The following CDHR3 variants were observed in gnomAD, a reference collection of about 807,000 sequenced individuals.
CDHR3 encodes the protein cadherin-related family member 3.
Under a neutral mutation model 86.6 loss-of-function variants are expected in CDHR3, and 79 were observed. The observed-to-expected ratio is 0.91, with a 90% CI of 0.76 to 1.10. CDHR3 has a LOEUF of 1.10. Among genes scored for constraint, CDHR3 ranks in the 50% least tolerant of loss-of-function variants. The pLI is 0.00. For synonymous variants in CDHR3, 421 were observed against 402.4 expected, an observed-to-expected ratio of 1.05 and a Z score of -0.55; for missense variants, 1,081 against 1,077.6, an observed-to-expected ratio of 1.00 and a Z score of -0.04.
At chr7:106,032,328 G>T in intron 18 of CDHR3, 65 bp from the exon 19 acceptor site, 3 of 1,462,984 alleles carry the variant, frequency 2.1e-6, no homozygotes, top group Non-Finnish European at 1.9e-6. Flanking sequence ...CAGGGTAGAA[G>T]TGGGGGAAGA....
chr7:105,993,691 A>G (rs1458320673), intron 4 of CDHR3, among the ~76,000 whole-genome samples: 3 of 111,898 alleles, frequency 2.7e-5, no homozygotes, highest in Admixed American at 8.3e-5. Flanking sequence ...AAAAAAAAAA[A>G]AAAAAAAAAA....
At chr7:106,023,466 A>G (rs1182242078) in intron 14 of CDHR3, among the ~76,000 whole-genome samples, 1 of 152,164 alleles carries the variant, frequency 6.6e-6, no homozygotes. Context: ...TGAATCTGAC[A>G]ACAGGATTAT....
Position 105,994,797 on chromosome 7 carries a change from G to C in CDHR3, c.560G>C (p.Gly187Ala), listed in dbSNP as rs562770860. ...PPKSFRMSAN[G>A]TLFSTTELDF... Reference sequence around the variant, plus strand: ...AAGAGCTTCAGAATGTCTGCTAATGGCACCCTCTTCTCCACAACAGAATTG... The same window carrying C: ...AAGAGCTTCAGAATGTCTGCTAATGCCACCCTCTTCTCCACAACAGAATTG... Residue 187 changes from glycine (G) to alanine (A), a missense_variant, in exon 5 of 19, where the codon GGC becomes GCC. Transcript: ENST00000317716. The C allele has an allele frequency of 8.1e-6, 13 of 1,612,596 alleles. No individual in the cohort carries two copies. Among genetic ancestry groups the C allele is most frequent in the Admixed American group, 1.7e-5 (1 of 59,874 alleles).
At chr7:106,008,123 C>T (rs1834217594) in intron 8 of CDHR3, among the ~76,000 whole-genome samples, 1 of 152,128 alleles carries the variant, frequency 6.6e-6, no homozygotes, top group East Asian at 1.9e-4. Flanking sequence ...GACTTGCCAC[C>T]ATGATTCAAT....
chr7:105,967,527 C>T (rs1563221400), intron 1 of CDHR3, among the ~76,000 whole-genome samples: 1 of 152,168 alleles, frequency 6.6e-6, no homozygotes, highest in African/African-American at 2.4e-5. Context: ...GAGGAATCGC[C>T]ACACTGACTT....
intron 3 of CDHR3, among the ~76,000 whole-genome samples, chr7:105,982,756 G>T (rs1198874063): frequency 6.6e-6 from 1 of 152,096 alleles, no homozygotes; most frequent in Non-Finnish European, 1.5e-5. Flanking sequence ...GCTGAGGTGG[G>T]AGTATAGCTT....
intron 8 of CDHR3, among the ~76,000 whole-genome samples, chr7:106,009,552 T>C (rs1834451530): frequency 2.0e-5 from 3 of 152,232 alleles, no homozygotes. Flanking sequence ...CGGTCTCTGC[T>C]GTGGAGTTCT....
intron 1 of CDHR3, among the ~76,000 whole-genome samples, chr7:105,971,044 G>A (rs1827874465): frequency 6.6e-6 from 1 of 151,836 alleles, no homozygotes; most frequent in Non-Finnish European, 1.5e-5. Flanking sequence ...AGGAGGCTGA[G>A]GCAGGAGAAT....
chr7:106,003,621 G>C (rs563717357), intron 7 of CDHR3, among the ~76,000 whole-genome samples: 1 of 152,148 alleles, frequency 6.6e-6, no homozygotes, highest in South Asian at 2.1e-4. Context: ...CTGATTCCTC[G>C]GGCCTGTCCT....
At position 106,020,337 on chromosome 7, in the gene CDHR3, T is replaced by C. The variant is rs772419918; in HGVS notation, c.1654-36T>C. On this transcript the variant is annotated intron_variant, in intron 12 of 18. Transcript: ENST00000317716. ...CACACAGTAAGCACTCAATGAGTTT[T>C]AGCTATTGAGAATGACCACCTTCTT... is the stretch of plus-strand genomic sequence containing the variant. 25 of 1,545,154 alleles carry C rather than the reference T, an allele frequency of 1.6e-5. No individual in the cohort carries two copies. In the Middle Eastern group the frequency reaches 6.7e-4, roughly 42 times the overall value.
In CDHR3 at chr7:106,005,784, C is replaced by A. The variant is rs537252733; in HGVS notation, c.1052+1097C>A. On this transcript the variant is annotated intron_variant, in intron 8 of 18. Coordinates refer to ENST00000317716, the MANE Select transcript of CDHR3 (RefSeq NM_152750.5). ...TCCCTGTTGTCCCAAATGGCATGCC[C>A]AGTATAATGTTAAAGGATCCATGTG... Among the ~76,000 whole-genome samples the A allele has an allele frequency of 2.6e-5, 4 of 152,202 alleles. No homozygotes were observed. In the East Asian group the frequency reaches 7.7e-4, roughly 29 times the overall value.
chr7:106,000,899 CAAA>C lies in CDHR3; in HGVS notation c.714-547_714-545del, dbSNP rs35254288. On this transcript the variant is annotated intron_variant, in intron 6 of 18. Coordinates refer to ENST00000317716, the MANE Select transcript of CDHR3 (RefSeq NM_152750.5). ...TGTGCATAAATTCTATATCCTCAGG[CAAA>C]AAAAAAAAAAAAAAAGACAAGGAAG... Among the ~76,000 whole-genome samples, 482 of 90,712 alleles carry C rather than the reference CAAA, an allele frequency of 5.3e-3. 5 individuals are homozygous for C. The highest frequency in any genetic ancestry group is 0.017 in the African/African-American group (414 of 24,854). The allele number at this position is 90,712 out of a possible 152,430, so 59.5% of individuals were successfully genotyped here. A position where few individuals can be genotyped will look rare whatever the true frequency, so the allele number is the denominator to read the frequency against.
At chr7:106,022,124 G>A in intron 13 of CDHR3, 74 bp from the exon 14 acceptor site, 1 of 1,561,740 alleles carries the variant, frequency 6.4e-7, no homozygotes, top group Non-Finnish European at 8.7e-7. Context: ...ATTGAATGCA[G>A]TTTTCTTCTA....
At chr7:106,029,543 CCTCTGTCTCT>C (rs1345671166) in intron 17 of CDHR3, among the ~76,000 whole-genome samples, 8 of 96,512 alleles carry the variant, frequency 8.3e-5, no homozygotes, top group Non-Finnish European at 2.0e-4. Context: ...CTCTCCTCCA[CCTCTGTCTCT>C]CTCTCTCTCT....
In CDHR3 at chr7:106,004,563, A is replaced by T; in HGVS notation, c.928A>T (p.Thr310Ser). The T allele has an allele frequency of 6.2e-7, 1 of 1,613,994 alleles. No individual in the cohort carries two copies. The highest frequency in any genetic ancestry group is 1.3e-5 in the African/African-American group (1 of 75,048). ...TGCAGGTGAATTGAGACAAAATCCC[A>T]CCATTTCCCTGGAAGTTCTAGTGAA... is the stretch of plus-strand genomic sequence containing the variant. ...RDAGELRQNPTISLEVLVKDR... is the reference protein window; with the variant it reads ...RDAGELRQNPSISLEVLVKDR... Residue 310 changes from threonine (T) to serine (S), a missense_variant, in exon 8 of 19, where the codon ACC (threonine) becomes TCC (serine). Transcript: ENST00000317716.
chr7:105,972,212 G>A (rs1828089468), intron 1 of CDHR3, among the ~76,000 whole-genome samples: 1 of 152,170 alleles, frequency 6.6e-6, no homozygotes, highest in South Asian at 2.1e-4. Context: ...CTATGTCGGA[G>A]GATTGTGCTG....
At chr7:105,975,978 A>G (rs1169664233) in intron 2 of CDHR3, among the ~76,000 whole-genome samples, 2 of 152,212 alleles carry the variant, frequency 1.3e-5, no homozygotes, top group Admixed American at 1.3e-4. Flanking sequence ...TGCGGAACCC[A>G]TGACTGGAGG....
chr7:106,018,941 G>A (rs988325878), intron 12 of CDHR3, among the ~76,000 whole-genome samples: 10 of 152,262 alleles, frequency 6.6e-5, no homozygotes, highest in Admixed American at 2.0e-4. Flanking sequence ...GTGGGGCGGC[G>A]CTGCTGGTCC....
intron 4 of CDHR3, among the ~76,000 whole-genome samples, chr7:105,988,582 A>G (rs1348774888): frequency 1.3e-5 from 2 of 152,238 alleles, no homozygotes; most frequent in African/African-American, 4.8e-5. Context: ...CTCCAGCTTA[A>G]TAAAGTGAAA....
Sources: allele counts gnomAD v4.1 joint callset (sites outside exome capture counted in the v4.1 genomes callset), GRCh38; gene constraint gnomAD v4.1.1; transcripts MANE v1.5; gene names NCBI Gene and HGNC (gene_info 2026-07-23, HGNC 2026-07-21).